Variants in CSMD1 observed in about 807,000 individuals in gnomAD.
The protein encoded by CSMD1 is CUB and sushi domain-containing protein 1.
CSMD1 carries 213 observed loss-of-function variants against 417.5 expected under a neutral mutation model. The observed-to-expected ratio is 0.51, with a 90% CI of 0.46 to 0.57. The LOEUF (loss-of-function observed/expected upper bound fraction) is 0.57. CSMD1 is among the 20% of genes least tolerant of loss of function. The pLI is 0.00. For missense variants in CSMD1, 6,923 were observed against 4,529.7 expected (o/e 1.53, Z -15.17); for synonymous variants, 2,862 against 1,736.8 (o/e 1.65, Z -16.11).
intron 5 of CSMD1, among the ~76,000 whole-genome samples, chr8:3,948,853 T>A (rs1425067078): frequency 6.6e-6 from 1 of 152,164 alleles, no homozygotes; most frequent in Non-Finnish European, 1.5e-5. Context: ...TATCCAATTT[T>A]CAATGTTCTC....
intron 2 of CSMD1, among the ~76,000 whole-genome samples, chr8:4,622,075 C>A (rs954633404): frequency 6.6e-5 from 10 of 151,190 alleles, no homozygotes; most frequent in African/African-American, 2.4e-4. Flanking sequence ...CATATTAGTG[C>A]AGTTCTAGGC....
At chr8:3,342,313 G>T (rs11786046) in intron 23 of CSMD1, among the ~76,000 whole-genome samples, 1 of 151,876 alleles carries the variant, frequency 6.6e-6, no homozygotes, top group Non-Finnish European at 1.5e-5. Context: ...ATTATCTTTT[G>T]CAGGACCTTT....
At chr8:3,256,483 T>A (rs1397718750) in intron 26 of CSMD1, among the ~76,000 whole-genome samples, 1 of 152,206 alleles carries the variant, frequency 6.6e-6, no homozygotes, top group Non-Finnish European at 1.5e-5. Context: ...CAGATCTAGC[T>A]ACTATATCTA....
At chr8:3,356,193 G>A (rs1015508770) in intron 21 of CSMD1, among the ~76,000 whole-genome samples, 1 of 152,114 alleles carries the variant, frequency 6.6e-6, no homozygotes, top group African/African-American at 2.4e-5. Flanking sequence ...CCTCTTTTTT[G>A]CCACAGGCAA....
chr8:3,407,975 G>A lies in CSMD1; in HGVS notation c.1995C>T (p.Ser665=), dbSNP rs369942752. Residue 665 remains serine (S), a synonymous_variant, in exon 14 of 70, where the codon AGC becomes AGT. Coordinates refer to ENST00000635120, the MANE Select transcript of CSMD1 (RefSeq NM_033225.6). ...ATTCCAAGCGAACTATATGCCCACTGCTGGCCAGCTGGGAAGGCACTTCAT... is the reference window on the plus strand; with the variant it reads ...ATTCCAAGCGAACTATATGCCCACTACTGGCCAGCTGGGAAGGCACTTCAT... ...SGNEVPSQLA[S]SGHIVRLEFQ... 6 of 1,613,696 alleles carry A rather than the reference G, an allele frequency of 3.7e-6. No homozygotes were observed. The African/African-American group carries it at 4.0e-5, about 11-fold the overall frequency.
At chr8:4,722,408 T>C (rs1478783927) in intron 1 of CSMD1, among the ~76,000 whole-genome samples, 2 of 152,182 alleles carry the variant, frequency 1.3e-5, no homozygotes, top group Non-Finnish European at 2.9e-5. Flanking sequence ...TGTGTATCTC[T>C]TGACCGAGTG....
At chr8:4,327,432 G>C (rs919980068) in intron 3 of CSMD1, among the ~76,000 whole-genome samples, 1 of 152,176 alleles carries the variant, frequency 6.6e-6, no homozygotes, top group Non-Finnish European at 1.5e-5. Flanking sequence ...GGCACAATCA[G>C]TCGGATTGTT....
chr8:3,300,562 C>T (rs909936673), intron 25 of CSMD1, among the ~76,000 whole-genome samples: 5 of 151,918 alleles, frequency 3.3e-5, no homozygotes, highest in Non-Finnish European at 7.4e-5. Context: ...ACCCTTTGAC[C>T]CAGCAAACAA....
chr8:4,535,310 A>G (rs1797049028), intron 2 of CSMD1, among the ~76,000 whole-genome samples: 1 of 152,164 alleles, frequency 6.6e-6, no homozygotes, highest in African/African-American at 2.4e-5. Flanking sequence ...GTTATCTGAA[A>G]AATAATATGT....
chr8:3,377,769 G>A (rs7845344), intron 18 of CSMD1, among the ~76,000 whole-genome samples: 5 of 152,098 alleles, frequency 3.3e-5, no homozygotes, highest in Admixed American at 6.5e-5. Flanking sequence ...GTTAAGGGCT[G>A]TACTTTCCAT....
chr8:3,753,228 T>C (rs1282008874), intron 6 of CSMD1, among the ~76,000 whole-genome samples: 1 of 152,232 alleles, frequency 6.6e-6, no homozygotes, highest in Non-Finnish European at 1.5e-5. Flanking sequence ...AAAGTCATGT[T>C]ATTTTAATTT....
Position 3,106,575 on chromosome 8 carries a change from T to C in CSMD1, c.6902A>G (p.Lys2301Arg). 1 of 1,613,926 alleles carries C rather than the reference T, an allele frequency of 6.2e-7. No individual in the cohort carries two copies. Among genetic ancestry groups the C allele is most frequent in the Non-Finnish European group, 8.5e-7 (1 of 1,179,852 alleles). ...TLVGTDILTC[K>R]LSSQLQFEGS... is the part of the protein sequence containing the mutation. ...CTCAAACTGCAACTGGGAACTGAGC[T>C]TGCAAGTCAGAATGTCGGTCCCCAC... Residue 2301 changes from lysine to arginine, a missense_variant, in exon 46 of 70, where the codon AAG (lysine) becomes AGG (arginine). Lys to Arg is a conservative substitution (Grantham distance 26). Transcript: ENST00000635120.
chr8:3,254,491 C>T (rs1225070147), intron 26 of CSMD1, among the ~76,000 whole-genome samples: 1 of 152,174 alleles, frequency 6.6e-6, no homozygotes, highest in Non-Finnish European at 1.5e-5. Flanking sequence ...GTTCCATTCT[C>T]CCTGTCACTT....
rs553890609 is a variant in CSMD1, at chr8:3,346,931, A to G, written c.3474+1061T>C. Among the ~76,000 whole-genome samples the G allele has an allele frequency of 2.3e-4, 35 of 152,296 alleles. No homozygotes were observed. The East Asian group carries it at 5.6e-3, about 24-fold the overall frequency. ...CAGAAACCAGGCTTCTGTCCAACTA[A>G]ATTGCTCACCTCGCTGAAATAAGCA... On this transcript the variant is annotated intron_variant, in intron 22 of 69. Transcript: ENST00000635120.
At chr8:3,100,452 G>T (rs11787300) in intron 46 of CSMD1, among the ~76,000 whole-genome samples, 26,122 of 152,222 alleles carry the variant, frequency 0.17, 2,411 homozygotes, top group African/African-American at 0.2. Context: ...GCAATACTCA[G>T]TTGGAGTGGG....
intron 10 of CSMD1, among the ~76,000 whole-genome samples, chr8:3,540,077 T>C (rs1213978081): frequency 6.6e-6 from 1 of 152,214 alleles, no homozygotes; most frequent in Non-Finnish European, 1.5e-5. Flanking sequence ...GGCTCATAAA[T>C]AGGCTTCTCT....
intron 14 of CSMD1, 42 bp from the exon 15 acceptor site, chr8:3,406,263 A>G: frequency 2.0e-6 from 3 of 1,472,518 alleles, no homozygotes; most frequent in Non-Finnish European, 1.8e-6. Context: ...AAAATACTTG[A>G]GTATTAATTA....
In CSMD1 at chr8:3,866,119, T is replaced by C. The variant is rs369723162; in HGVS notation, c.819-112077A>G. ...CAAATAAGGATTACATTATTCCATATGTAAGTGTTTATGAATACTCTGAAG... is the reference window on the plus strand; with the variant it reads ...CAAATAAGGATTACATTATTCCATACGTAAGTGTTTATGAATACTCTGAAG... On this transcript the variant is annotated intron_variant, in intron 5 of 69. Transcript: ENST00000635120. 4.5e-4 allele frequency among the ~76,000 whole-genome samples: 69 copies of C among 152,342 alleles called. No individual in the cohort carries two copies. In the South Asian group the frequency reaches 0.014, roughly 31 times the overall value.
intron 8 of CSMD1, among the ~76,000 whole-genome samples, chr8:3,593,460 G>C (rs537891268): frequency 4.1e-4 from 62 of 152,252 alleles, no homozygotes; most frequent in Admixed American, 1.7e-3. Context: ...GGAGTGAGTG[G>C]CACAGGCGGG....
Sources: gnomAD v4.1 joint callset for allele counts (sites outside exome capture counted in the v4.1 genomes callset) on GRCh38, gnomAD v4.1.1 for gene constraint, MANE v1.5 for transcripts, NCBI Gene and HGNC (gene_info 2026-07-23, HGNC 2026-07-21) for gene names.